GRIN2B: variants seen among roughly 807,000 people sequenced by gnomAD.
The protein encoded by GRIN2B is glutamate receptor ionotropic, NMDA 2B.
A neutral mutation model predicts 114.5 loss-of-function variants in GRIN2B; 5 were observed. That is an observed-to-expected ratio of 0.04 (90% CI 0.02 to 0.09). The LOEUF (loss-of-function observed/expected upper bound fraction) is 0.09. Ranked by LOEUF, GRIN2B falls within the 10% of genes least tolerant of loss-of-function variation. The pLI is 1.00. For synonymous variants in GRIN2B, 787 were observed against 745.1 expected, an observed-to-expected ratio of 1.06 and a Z score of -0.92; for missense variants, 1,108 against 1,943.5, an observed-to-expected ratio of 0.57 and a Z score of 8.08.
intron 3 of GRIN2B, among the ~76,000 whole-genome samples, chr12:13,807,706 AG>A (rs1359259299): frequency 7.8e-6 from 1 of 128,452 alleles, no homozygotes; most frequent in Non-Finnish European, 1.6e-5. Context: ...ATTAAGCAGA[AG>A]GCTTTTTTTT....
chr12:13,869,392 T>A (rs561842187), intron 2 of GRIN2B, among the ~76,000 whole-genome samples: 22 of 152,208 alleles, frequency 1.4e-4, no homozygotes, highest in African/African-American at 5.3e-4. Context: ...GTGCCTCATA[T>A]GCAATAAGGA....
chr12:13,693,749 C>T (rs1485070962), intron 4 of GRIN2B, among the ~76,000 whole-genome samples: 1 of 152,196 alleles, frequency 6.6e-6, no homozygotes, highest in Non-Finnish European at 1.5e-5. Context: ...TCCCTCCTTC[C>T]CCTTCTCCGG....
rs1004320706 is a variant in GRIN2B at position 13,543,811 on chromosome 12, C to G, written c.*18972G>C. 6.6e-6 allele frequency: 1 copy of G among 152,118 alleles called. No individual in the cohort carries two copies. Among genetic ancestry groups the G allele is most frequent in the Non-Finnish European group, 1.5e-5 (1 of 68,038 alleles). 9.4% of individuals were successfully genotyped at this position (152,118 alleles called of 1,614,324 possible). A position where few individuals can be genotyped will look rare whatever the true frequency, so the allele number is the denominator to read the frequency against. On this transcript the variant is annotated 3_prime_UTR_variant, in exon 14 of 14. Transcript: ENST00000609686. ...CTAAAAATCAATCAGAAAAAGCATA[C>G]TCCCATTATCCCATTTACCAGCCCA...
intron 5 of GRIN2B, among the ~76,000 whole-genome samples, chr12:13,643,809 T>A (rs34841708): frequency 6.6e-6 from 1 of 152,124 alleles, no homozygotes; most frequent in African/African-American, 2.4e-5. Flanking sequence ...GAAAACACTT[T>A]CTTTGCTCAT....
intron 3 of GRIN2B, among the ~76,000 whole-genome samples, chr12:13,842,922 T>TC (rs1277868906): frequency 4.8e-5 from 4 of 83,820 alleles, no homozygotes; most frequent in African/African-American, 1.8e-4. Flanking sequence ...TTTTTCTTTT[T>TC]TTTTTTTTTT....
chr12:13,929,906 C>G (rs1866992885), intron 2 of GRIN2B, among the ~76,000 whole-genome samples: 1 of 152,156 alleles, frequency 6.6e-6, no homozygotes, highest in Non-Finnish European at 1.5e-5. Flanking sequence ...TAATTATTGG[C>G]TGGGCGCAGT....
Position 13,561,811 on chromosome 12 carries a change from C to T in GRIN2B, c.*972G>A, listed in dbSNP as rs201483743. 2.6e-5 allele frequency: 4 copies of T among 152,660 alleles called. No homozygotes were observed. Among genetic ancestry groups the T allele is most frequent in the Admixed American group, 6.5e-5 (1 of 15,280 alleles). 9.5% of individuals were successfully genotyped at this position (152,660 alleles called of 1,614,324 possible). A position where few individuals can be genotyped will look rare whatever the true frequency, so the allele number is the denominator to read the frequency against. On this transcript the variant is annotated 3_prime_UTR_variant, in exon 14 of 14. Transcript: ENST00000609686. ...TGTACCTTGTTCTTGCAGGATTGCT[C>T]ACCGCCTTTTTTTGTTTAGACCACA...
rs1948364065 is a variant in GRIN2B, at chr12:13,547,962, TA to T, written c.*14820del. 1.8e-5 allele frequency: 1 copy of T among 56,384 alleles called. No homozygotes were observed. Among genetic ancestry groups the T allele is most frequent in the African/African-American group, 5.7e-5 (1 of 17,562 alleles). 3.5% of individuals were successfully genotyped at this position (56,384 alleles called of 1,614,324 possible). On this transcript the variant is annotated 3_prime_UTR_variant, in exon 14 of 14. Coordinates refer to ENST00000609686, the MANE Select transcript of GRIN2B (RefSeq NM_000834.5). ...GTATGTATGTATGTATGTGTGTGTA[TA>T]TATATATATATATATATATTTTTTT...
At chr12:13,825,496 T>TTGTGTGTGTGTTTG (rs1865018734) in intron 3 of GRIN2B, among the ~76,000 whole-genome samples, 1 of 122,994 alleles carries the variant, frequency 8.1e-6, no homozygotes, top group South Asian at 2.6e-4. Flanking sequence ...TATATATATT[T>TTGTGTGTGTGTTTG]TGTGTGTGTG....
intron 10 of GRIN2B, among the ~76,000 whole-genome samples, chr12:13,596,848 TC>T (rs1412764345): frequency 6.6e-6 from 1 of 152,066 alleles, no homozygotes; most frequent in East Asian, 1.9e-4. Flanking sequence ...CTGGCTGGAG[TC>T]CCATTATCAC....
chr12:13,632,019 T>TTAC (rs1270439437), intron 5 of GRIN2B, among the ~76,000 whole-genome samples: 9 of 152,142 alleles, frequency 5.9e-5, no homozygotes, highest in African/African-American at 2.2e-4. Context: ...TAGAATTAAA[T>TTAC]TACTAGACTT....
chr12:13,798,637 C>A (rs1022759168), intron 3 of GRIN2B, among the ~76,000 whole-genome samples: 1 of 152,194 alleles, frequency 6.6e-6, no homozygotes, highest in Non-Finnish European at 1.5e-5. Flanking sequence ...CTTAAGATAA[C>A]AAATGACACC....
At chr12:13,896,559 T>C (rs1866358744) in intron 2 of GRIN2B, among the ~76,000 whole-genome samples, 1 of 152,178 alleles carries the variant, frequency 6.6e-6, no homozygotes, top group South Asian at 2.1e-4. Flanking sequence ...ATGAATATAA[T>C]GTACAACTAC....
Position 13,753,300 on chromosome 12 carries a change from C to G in GRIN2B, c.1010+17G>C. The G allele has an allele frequency of 7.3e-7, 1 of 1,374,670 alleles. No homozygotes were observed. The highest frequency in any genetic ancestry group is 1.0e-6 in the Non-Finnish European group (1 of 961,444). The allele number at this position is 1,374,670 out of a possible 1,614,324, so 85.2% of individuals were successfully genotyped here. A position where few individuals can be genotyped will look rare whatever the true frequency, so the allele number is the denominator to read the frequency against. On this transcript the variant is annotated intron_variant, in intron 4 of 13. Transcript: ENST00000609686. The surrounding 1 kb of genome is among the most constrained non-coding windows in gnomAD (Gnocchi z 6.2). Reference sequence around the variant, plus strand: ...CTCTCATCTCCACCATCAATGTGCCCTCTGTTCCACACTCACCTATTTAGC... The same window carrying G: ...CTCTCATCTCCACCATCAATGTGCCGTCTGTTCCACACTCACCTATTTAGC...
intron 2 of GRIN2B, among the ~76,000 whole-genome samples, chr12:13,869,859 T>C (rs145976673): frequency 1.2e-3 from 177 of 152,344 alleles, no homozygotes; most frequent in African/African-American, 4.2e-3. Context: ...ACCATCTCTA[T>C]GCTATCATCG....
At chr12:13,587,381 A>G (rs796401978) in intron 10 of GRIN2B, among the ~76,000 whole-genome samples, 9 of 135,004 alleles carry the variant, frequency 6.7e-5, no homozygotes, top group South Asian at 2.3e-4. Flanking sequence ...TTTTTGAGAT[A>G]GGGTCTTGCT....
At chr12:13,724,211 T>C (rs927590509) in intron 4 of GRIN2B, among the ~76,000 whole-genome samples, 1 of 152,096 alleles carries the variant, frequency 6.6e-6, no homozygotes, top group Non-Finnish European at 1.5e-5. Context: ...GGCCAATAAC[T>C]AGAGCCAGGT....
chr12:13,916,971 A>G (rs547337783), intron 2 of GRIN2B, among the ~76,000 whole-genome samples: 29 of 152,212 alleles, frequency 1.9e-4, no homozygotes, highest in African/African-American at 6.7e-4. Flanking sequence ...AAATAGAAAT[A>G]TGCCAGGCAA....
intron 5 of GRIN2B, among the ~76,000 whole-genome samples, chr12:13,632,359 C>T (rs1949622355): frequency 6.6e-6 from 1 of 152,216 alleles, no homozygotes; most frequent in Admixed American, 6.5e-5. Flanking sequence ...CTGCAGGAAT[C>T]ACCACAAAAT....
Sources: allele counts gnomAD v4.1 joint callset (sites outside exome capture counted in the v4.1 genomes callset), GRCh38; gene constraint gnomAD v4.1.1; non-coding constraint Gnocchi (gnomAD v3.1); transcripts MANE v1.5; gene names NCBI Gene and HGNC (gene_info 2026-07-23, HGNC 2026-07-21).